RBMS3: variants seen among roughly 807,000 people sequenced by gnomAD.
RBMS3 encodes RNA binding motif single stranded interacting protein 3, also known as RNA-binding motif, single-stranded-interacting protein 3.
Under a neutral mutation model 66.8 loss-of-function variants are expected in RBMS3, and 27 were observed. That is an observed-to-expected ratio of 0.40 (90% confidence interval 0.30 to 0.56). The LOEUF is 0.56. RBMS3 is among the 20% of genes least tolerant of loss of function. RBMS3 has a pLI of 0.40. For missense variants in RBMS3, 513 were observed against 549.5 expected (o/e 0.93, Z 0.66); for synonymous variants, 188 against 183.0 (o/e 1.03, Z -0.22).
intron 5 of RBMS3, among the ~76,000 whole-genome samples, chr3:29,752,008 T>G (rs905024815): frequency 6.6e-6 from 1 of 152,152 alleles, no homozygotes; most frequent in African/African-American, 2.4e-5. Context: ...AACAGCTCAA[T>G]GGGGAGTTAG....
intron 6 of RBMS3, among the ~76,000 whole-genome samples, chr3:29,857,971 C>T (rs1310239413): frequency 6.6e-6 from 1 of 152,020 alleles, no homozygotes; most frequent in Non-Finnish European, 1.5e-5. Context: ...TTTATGTGTG[C>T]TAATATGGAA....
intron 3 of RBMS3, among the ~76,000 whole-genome samples, chr3:29,578,699 A>G (rs913708955): frequency 2.0e-5 from 3 of 152,070 alleles, no homozygotes; most frequent in African/African-American, 7.3e-5. Context: ...ACGGCTCTAT[A>G]AGGAAATTTA....
At chr3:29,962,102 A>G (rs914273485) in intron 12 of RBMS3, among the ~76,000 whole-genome samples, 36 of 146,862 alleles carry the variant, frequency 2.5e-4, no homozygotes, top group African/African-American at 8.7e-4. Context: ...ATATATATAC[A>G]TATCTTTCTT....
At chr3:29,679,985 G>C (rs999029358) in intron 4 of RBMS3, among the ~76,000 whole-genome samples, 2 of 152,076 alleles carry the variant, frequency 1.3e-5, no homozygotes, top group African/African-American at 4.8e-5. Context: ...TGAATTTGAT[G>C]ATGGCCACCG....
At chr3:29,537,822 CAAA>C (rs1195812359) in intron 3 of RBMS3, among the ~76,000 whole-genome samples, 4 of 70,804 alleles carry the variant, frequency 5.6e-5, no homozygotes, top group Non-Finnish European at 1.2e-4. Flanking sequence ...GACTCCACCT[CAAA>C]AAAAAAAAAA....
intron 4 of RBMS3, among the ~76,000 whole-genome samples, chr3:29,718,716 T>C (rs901905115): frequency 6.6e-6 from 1 of 152,140 alleles, no homozygotes; most frequent in Non-Finnish European, 1.5e-5. Flanking sequence ...GGTATGTAAC[T>C]AGTAACAGTC....
At chr3:29,574,574 G>A (rs1197289104) in intron 3 of RBMS3, among the ~76,000 whole-genome samples, 1 of 151,958 alleles carries the variant, frequency 6.6e-6, no homozygotes, top group African/African-American at 2.4e-5. Context: ...TTATTGATAG[G>A]CAGGGACTTA....
intron 4 of RBMS3, among the ~76,000 whole-genome samples, chr3:29,647,390 T>C (rs1362503488): frequency 3.9e-5 from 6 of 152,190 alleles, no homozygotes; most frequent in Admixed American, 3.9e-4. Flanking sequence ...CTTTAAAAGC[T>C]GGGACTCATC....
At chr3:29,928,965 A>C (rs2061031560) in intron 10 of RBMS3, among the ~76,000 whole-genome samples, 1 of 152,232 alleles carries the variant, frequency 6.6e-6, no homozygotes, top group Non-Finnish European at 1.5e-5. Flanking sequence ...TGAAGCTCTA[A>C]GGTCCTTCTG....
In RBMS3 at chr3:29,931,432, T is replaced by G. The variant is rs114162398; in HGVS notation, c.940-4654T>G. 4.2e-3 allele frequency among the ~76,000 whole-genome samples: 639 copies of G among 152,300 alleles called. 6 individuals carry two copies. Among genetic ancestry groups the G allele is most frequent in the African/African-American group, 0.015 (612 of 41,572 alleles). ...ATTTGTCAAATCCTTCCAAAATGCT[T>G]ACAAAGTTAAAGGCTACCACCTTTG... On this transcript the variant is annotated intron_variant, in intron 10 of 14. Coordinates refer to ENST00000383767, the MANE Select transcript of RBMS3 (RefSeq NM_001003793.3).
At chr3:29,949,603 C>T (rs1695544817) in intron 12 of RBMS3, among the ~76,000 whole-genome samples, 4 of 151,632 alleles carry the variant, frequency 2.6e-5, no homozygotes, top group Admixed American at 2.0e-4. Flanking sequence ...TTTTTTATTT[C>T]ATAAAAGACA....
chr3:29,866,194 T>C (rs571279341), intron 6 of RBMS3, among the ~76,000 whole-genome samples: 1 of 152,168 alleles, frequency 6.6e-6, no homozygotes, highest in South Asian at 2.1e-4. Flanking sequence ...ATGTTCATTA[T>C]CTTGACAATG....
intron 7 of RBMS3, among the ~76,000 whole-genome samples, chr3:29,873,326 A>T (rs553713602): frequency 6.6e-6 from 1 of 151,990 alleles, no homozygotes. Flanking sequence ...CTGTATTTCT[A>T]GGTATTTTAT....
intron 4 of RBMS3, among the ~76,000 whole-genome samples, chr3:29,722,069 T>G (rs2053665476): frequency 6.6e-6 from 1 of 152,206 alleles, no homozygotes; most frequent in Admixed American, 6.5e-5. Flanking sequence ...GAGGGCAGTT[T>G]GAATGCAAGA....
rs181532983 is a variant in RBMS3 at position 29,535,796 on chromosome 3, T to A, written c.307+47297T>A. Among the ~76,000 whole-genome samples, 524 of 143,180 alleles carry A rather than the reference T, an allele frequency of 3.7e-3. 10 individuals are homozygous for A. The highest frequency in any genetic ancestry group is 0.029 in the Admixed American group (390 of 13,526). 93.9% of individuals were successfully genotyped at this position (143,180 alleles called of 152,430 possible). A position where few individuals can be genotyped will look rare whatever the true frequency, so the allele number is the denominator to read the frequency against. On this transcript the variant is annotated intron_variant, in intron 3 of 14. Transcript: ENST00000383767. ...ATCAAGAGGTATTCAGGATGGTGAGTTTGGACTGCATGGCTCCCTTCATGG... is the reference window on the plus strand; with the variant it reads ...ATCAAGAGGTATTCAGGATGGTGAGATTGGACTGCATGGCTCCCTTCATGG...
chr3:29,409,235 G>T (rs1224711378), intron 1 of RBMS3, among the ~76,000 whole-genome samples: 1 of 152,132 alleles, frequency 6.6e-6, no homozygotes, highest in African/African-American at 2.4e-5. Context: ...GACAGAGCAG[G>T]CCTCTGCTCC....
intron 2 of RBMS3, among the ~76,000 whole-genome samples, chr3:29,461,725 T>C (rs1191035521): frequency 6.6e-6 from 1 of 151,920 alleles, no homozygotes; most frequent in South Asian, 2.1e-4. Context: ...TTGGGTAAGA[T>C]ACTTAATTTT....
chr3:29,668,477 T>C (rs2050858692), intron 4 of RBMS3, among the ~76,000 whole-genome samples: 1 of 152,160 alleles, frequency 6.6e-6, no homozygotes, highest in Admixed American at 6.5e-5. Flanking sequence ...AACGTGTAGC[T>C]GCCTACTGAT....
intron 3 of RBMS3, among the ~76,000 whole-genome samples, chr3:29,508,955 G>T (rs1298692480): frequency 6.6e-6 from 1 of 151,680 alleles, no homozygotes; most frequent in African/African-American, 2.4e-5. Context: ...GACCAGTGAT[G>T]ATGAGCTTTT....
Sources: allele counts gnomAD v4.1 joint callset (sites outside exome capture counted in the v4.1 genomes callset), GRCh38; gene constraint gnomAD v4.1.1; transcripts MANE v1.5; gene names NCBI Gene and HGNC (gene_info 2026-07-23, HGNC 2026-07-21).